Variants in OTOF observed in about 807,000 individuals in gnomAD.
The protein encoded by OTOF is fer-1-like family member 2.
Under a neutral mutation model 236.8 loss-of-function variants are expected in OTOF, and 218 were observed. That is an observed-to-expected ratio of 0.92 (90% confidence interval 0.82 to 1.03). OTOF has a LOEUF of 1.03. Ranked by LOEUF, OTOF falls within the 50% of genes least tolerant of loss-of-function variation. OTOF has a pLI of 0.00. For synonymous variants in OTOF, 1,041 were observed against 1,072.5 expected, an observed-to-expected ratio of 0.97 and a Z score of 0.57; for missense variants, 2,590 against 2,694.4, an observed-to-expected ratio of 0.96 and a Z score of 0.86.
At chr2:26,497,166 G>A (rs1038991516) in intron 8 of OTOF, among the ~76,000 whole-genome samples, 12 of 134,084 alleles carry the variant, frequency 8.9e-5, no homozygotes, top group African/African-American at 2.9e-4. Context: ...GCAGTGGCAC[G>A]ATCTAGGCTC....
In OTOF at chr2:26,474,077, T is replaced by TG. The variant is rs748545363; in HGVS notation, c.3321dup (p.Ile1108HisfsTer69). On this transcript the variant is annotated frameshift_variant, in exon 27 of 47. Coordinates refer to ENST00000272371, the MANE Select transcript of OTOF (RefSeq NM_194248.3). LOFTEE classifies it high-confidence loss of function. The stretch of plus-strand genomic sequence containing the variant: ...CGGTCCACGTCCACCGGGCCATTGA[T>TG]GGGGGGCAGGTCAGCCTTCCCTGCT... 3.1e-6 allele frequency: 5 copies of TG among 1,612,762 alleles called. No individual in the cohort carries two copies. The highest frequency in any genetic ancestry group is 1.6e-4 in the Middle Eastern group (1 of 6,080).
At chr2:26,472,308 A>G (rs913861913) in intron 30 of OTOF, 1 of 628,254 alleles carries the variant, frequency 1.6e-6, no homozygotes, top group African/African-American at 1.8e-5. Flanking sequence ...ACACACATGC[A>G]CATTTACATA....
intron 8 of OTOF, among the ~76,000 whole-genome samples, chr2:26,496,958 G>A (rs185697062): frequency 4.6e-5 from 7 of 152,254 alleles, no homozygotes; most frequent in East Asian, 1.9e-4. Context: ...TCAGCTAAGC[G>A]GTTGATCTCT....
intron 40 of OTOF, 58 bp downstream of exon 40, chr2:26,463,906 T>C (rs1664600577): frequency 3.7e-6 from 6 of 1,608,926 alleles, no homozygotes; most frequent in African/African-American, 1.3e-5. Context: ...CTGACTCAGG[T>C]TGGGGATCCC....
In OTOF at chr2:26,465,646, C is replaced by T. The variant is rs368106328; in HGVS notation, c.4799+26G>A. The T allele has an allele frequency of 2.3e-5, 37 of 1,610,126 alleles. No homozygotes were observed. The African/African-American group carries it at 2.8e-4, about 12-fold the overall frequency. On this transcript the variant is annotated intron_variant, in intron 38 of 46. Transcript: ENST00000272371. ...GGAGGCAAAGCAGGCACACTGCCCCCGCCCTCTGCCCCATGCCCCACATAC... is the reference window on the plus strand; with the variant it reads ...GGAGGCAAAGCAGGCACACTGCCCCTGCCCTCTGCCCCATGCCCCACATAC...
intron 5 of OTOF, among the ~76,000 whole-genome samples, chr2:26,505,903 G>A (rs1045570196): frequency 2.6e-5 from 4 of 152,078 alleles, no homozygotes; most frequent in African/African-American, 9.7e-5. Flanking sequence ...ACAAAGAAGG[G>A]GCTCATTCAA....
intron 33 of OTOF, 104 bp from the exon 34 acceptor site, chr2:26,467,605 C>T (rs1265468918): frequency 5.2e-6 from 7 of 1,337,758 alleles, no homozygotes; most frequent in African/African-American, 2.9e-5. Context: ...ACTTAACTCT[C>T]GGATGTCCAT....
chr2:26,526,528 T>C (rs1025079903), intron 3 of OTOF, among the ~76,000 whole-genome samples: 1 of 152,182 alleles, frequency 6.6e-6, no homozygotes, highest in Non-Finnish European at 1.5e-5. Flanking sequence ...GATGGATGAA[T>C]GGATGAATAT....
Position 26,474,445 on chromosome 2 carries a change from C to A in OTOF, c.3288+68G>T. 2.8e-6 allele frequency: 4 copies of A among 1,438,284 alleles called. No homozygotes were observed. The Admixed American group carries it at 5.9e-5, about 21-fold the overall frequency. The allele number at this position is 1,438,284 out of a possible 1,614,324, so 89.1% of individuals were successfully genotyped here. On this transcript the variant is annotated intron_variant, in intron 26 of 46. Coordinates refer to ENST00000272371, the MANE Select transcript of OTOF (RefSeq NM_194248.3). ...AGGCCCCAGCCTTCAGGGTCCAGCC[C>A]CCAGCCCTAGGCCCCAACTCCCAGC...
At chr2:26,556,345 T>C (rs902888714) in intron 1 of OTOF, among the ~76,000 whole-genome samples, 2 of 152,110 alleles carry the variant, frequency 1.3e-5, no homozygotes, top group Non-Finnish European at 2.9e-5. Context: ...GTTGGTCTTT[T>C]GGGGCGCCTA....
chr2:26,542,522 A>G (rs1667233692), intron 1 of OTOF, among the ~76,000 whole-genome samples: 1 of 152,236 alleles, frequency 6.6e-6, no homozygotes, highest in South Asian at 2.1e-4. Flanking sequence ...CTCTCAATGT[A>G]GTGGATTAAG....
chr2:26,555,018 C>G (rs1667552522), intron 1 of OTOF, among the ~76,000 whole-genome samples: 2 of 152,164 alleles, frequency 1.3e-5, no homozygotes, highest in Admixed American at 6.5e-5. Flanking sequence ...AGTCCAGGTC[C>G]CCCAGCCTTG....
Position 26,461,077 on chromosome 2 carries a change from G to A in OTOF, c.5534-47C>T, listed in dbSNP as rs372216741. On this transcript the variant is annotated intron_variant, in intron 43 of 46. Coordinates refer to ENST00000272371, the MANE Select transcript of OTOF (RefSeq NM_194248.3). The surrounding 1 kb of genome is among the most constrained non-coding windows in gnomAD (Gnocchi z 6.2). ...CTCAGAGTGAACAGGGCTGGGGTGG[G>A]GCGGGGTGGGGGTGGGGGTCTGGGC... The A allele has an allele frequency of 9.9e-6, 12 of 1,209,160 alleles. No individual in the cohort carries two copies. Among genetic ancestry groups the A allele is most frequent in the Admixed American group, 9.3e-5 (5 of 53,954 alleles). 74.9% of individuals were successfully genotyped at this position (1,209,160 alleles called of 1,614,324 possible).
In OTOF at chr2:26,470,389, A is replaced by G. The variant is rs139323439; in HGVS notation, c.4023+204T>C. Among the ~76,000 whole-genome samples, 260 of 152,212 alleles carry G rather than the reference A, an allele frequency of 1.7e-3. No individual in the cohort carries two copies. The highest frequency in any genetic ancestry group is 3.0e-3 in the Non-Finnish European group (207 of 68,008). On this transcript the variant is annotated intron_variant, in intron 32 of 46. Coordinates refer to ENST00000272371, the MANE Select transcript of OTOF (RefSeq NM_194248.3). The surrounding 1 kb of genome is among the most constrained non-coding windows in gnomAD (Gnocchi z 4.3). ...TGTGGAATGAGTCAATGAGGACAAAAGAAAACCAAGCAGGGAAGGTAGATG... is the reference window on the plus strand; with the variant it reads ...TGTGGAATGAGTCAATGAGGACAAAGGAAAACCAAGCAGGGAAGGTAGATG...
At position 26,494,823 on chromosome 2, in the gene OTOF, C is replaced by A. The variant is rs951768187; in HGVS notation, c.897+119G>T. On this transcript the variant is annotated intron_variant, in intron 9 of 46. Transcript: ENST00000272371. ...CTGGGGGTTGTAACAGGGTGGATCACCCCTGCTGGTAGCCCTGTGTGCTCC... is the reference window on the plus strand; with the variant it reads ...CTGGGGGTTGTAACAGGGTGGATCAACCCTGCTGGTAGCCCTGTGTGCTCC... The A allele has an allele frequency of 1.0e-4, 123 of 1,173,890 alleles. 2 individuals carry two copies. The South Asian group carries it at 1.1e-3, about 11-fold the overall frequency. The allele number at this position is 1,173,890 out of a possible 1,614,324, so 72.7% of individuals were successfully genotyped here. A position where few individuals can be genotyped will look rare whatever the true frequency, so the allele number is the denominator to read the frequency against.
In OTOF at chr2:26,460,323, C is replaced by A; in HGVS notation, c.5814-118G>T. On this transcript the variant is annotated intron_variant, in intron 45 of 46. Transcript: ENST00000272371. This position sits in a 1 kb window ranked among gnomAD's most constrained non-coding sequence, Gnocchi z 5.3. ...TGGGCTGTGTGTGCAGTTCTAGGCACCCCTCTGGCCATCAAGGCTGGCCAT... is the reference window on the plus strand; with the variant it reads ...TGGGCTGTGTGTGCAGTTCTAGGCAACCCTCTGGCCATCAAGGCTGGCCAT... The A allele has an allele frequency of 7.1e-6, 6 of 847,616 alleles. No homozygotes were observed. Among genetic ancestry groups the A allele is most frequent in the Non-Finnish European group, 1.1e-5 (6 of 522,366 alleles). 52.5% of individuals were successfully genotyped at this position (847,616 alleles called of 1,614,324 possible).
At chr2:26,476,812 T>C in intron 22 of OTOF, 79 bp downstream of exon 22, 6 of 1,358,414 alleles carry the variant, frequency 4.4e-6, no homozygotes, top group Non-Finnish European at 6.2e-6. Context: ...ACCCTGTCAC[T>C]CAGGCTTCCA....
chr2:26,458,280 C>A, intron 46 of OTOF, 60 bp from the exon 47 acceptor site: 8 of 1,506,990 alleles, frequency 5.3e-6, no homozygotes, highest in Non-Finnish European at 7.2e-6. Flanking sequence ...CCCAGTGCAC[C>A]CCATCCTCTG....
At chr2:26,541,434 T>A (rs1481620071) in intron 1 of OTOF, among the ~76,000 whole-genome samples, 2 of 152,182 alleles carry the variant, frequency 1.3e-5, no homozygotes, top group African/African-American at 2.4e-5. Context: ...TATTCTTTTT[T>A]AAAAAAGGTT....
Sources: allele counts gnomAD v4.1 joint callset (sites outside exome capture counted in the v4.1 genomes callset), GRCh38; gene constraint gnomAD v4.1.1; non-coding constraint Gnocchi (gnomAD v3.1); transcripts MANE v1.5; gene names NCBI Gene and HGNC (gene_info 2026-07-23, HGNC 2026-07-21).